IFT140: variants seen among roughly 807,000 people sequenced by gnomAD.
IFT140 encodes the protein intraflagellar transport protein 140 homolog.
A neutral mutation model predicts 164.6 loss-of-function variants in IFT140; 133 were observed. The observed-to-expected ratio is 0.81, with a 90% CI of 0.70 to 0.93. IFT140 has a LOEUF of 0.93. Ranked by LOEUF, IFT140 falls within the 40% of genes least tolerant of loss-of-function variation. The pLI is 0.00. For synonymous variants in IFT140, 860 were observed against 817.3 expected, an observed-to-expected ratio of 1.05 and a Z score of -0.89; for missense variants, 2,045 against 1,972.3, an observed-to-expected ratio of 1.04 and a Z score of -0.70.
intron 13 of IFT140, among the ~76,000 whole-genome samples, chr16:1,572,074 C>T (rs772262870): frequency 1.3e-5 from 2 of 151,962 alleles, no homozygotes; most frequent in Non-Finnish European, 2.9e-5. Flanking sequence ...ATGTCCCACC[C>T]GCGAAAAGCC....
At chr16:1,606,204 A>G (rs2036051907) in intron 3 of IFT140, among the ~76,000 whole-genome samples, 1 of 152,252 alleles carries the variant, frequency 6.6e-6, no homozygotes, top group Non-Finnish European at 1.5e-5. Flanking sequence ...GGAAATGATT[A>G]GAGTTCCAAA....
intron 19 of IFT140, chr16:1,542,105 C>T (rs780858943): frequency 1.4e-5 from 21 of 1,553,882 alleles, no homozygotes; most frequent in African/African-American, 4.1e-5. Flanking sequence ...GTGGCCACCG[C>T]GCCCTTGCCC....
chr16:1,513,718 G>A (rs1430113694), intron 30 of IFT140, among the ~76,000 whole-genome samples: 2 of 150,124 alleles, frequency 1.3e-5, no homozygotes, highest in Non-Finnish European at 1.5e-5. Context: ...GTGTCGCCCA[G>A]GCTGGAGTGC....
chr16:1,609,019 G>A (rs903875692), intron 2 of IFT140, among the ~76,000 whole-genome samples: 1 of 152,132 alleles, frequency 6.6e-6, no homozygotes. Context: ...GCTGGGTGTG[G>A]TGGTGCCTGC....
At chr16:1,592,017 G>A (rs1399608529) in intron 6 of IFT140, among the ~76,000 whole-genome samples, 159 bp downstream of exon 6, 1 of 152,228 alleles carries the variant, frequency 6.6e-6, no homozygotes, top group Non-Finnish European at 1.5e-5. Context: ...GCTGCAGAGA[G>A]TGGCTGCGGC....
At chr16:1,563,864 G>A (rs2033562668) in intron 17 of IFT140, 133 bp downstream of exon 17, 4 of 863,388 alleles carry the variant, frequency 4.6e-6, no homozygotes, top group African/African-American at 1.7e-5. Flanking sequence ...GGGCTCAAGC[G>A]TTCCCTCCCG....
chr16:1,600,215 G>A (rs1477225068), intron 4 of IFT140, among the ~76,000 whole-genome samples: 3 of 145,292 alleles, frequency 2.1e-5, no homozygotes, highest in Admixed American at 6.9e-5. Flanking sequence ...GATTAAGGGC[G>A]GTGCAAGATG....
At chr16:1,519,445 G>T (rs968695478) in intron 29 of IFT140, among the ~76,000 whole-genome samples, 3 of 152,078 alleles carry the variant, frequency 2.0e-5, no homozygotes, top group African/African-American at 7.2e-5. Flanking sequence ...GGCTGCCTGG[G>T]TCTCCTCTCC....
At chr16:1,535,144 T>C (rs1291714663) in intron 19 of IFT140, among the ~76,000 whole-genome samples, 1 of 152,108 alleles carries the variant, frequency 6.6e-6, no homozygotes, top group African/African-American at 2.4e-5. Flanking sequence ...CTCACGGTTG[T>C]TGGGGTCTTT....
At chr16:1,528,557 ACG>A in intron 19 of IFT140, 1 of 154,734 alleles carries the variant, frequency 6.5e-6, no homozygotes, top group Middle Eastern at 5.4e-4. Flanking sequence ...ATGCACACAC[ACG>A]CACACACATG....
rs1390848758 is a variant in IFT140, at chr16:1,580,699, A to C, written c.1524+60T>G. The C allele has an allele frequency of 4.4e-6, 5 of 1,132,402 alleles. No individual in the cohort carries two copies. In the Admixed American group the frequency reaches 6.8e-5, roughly 15 times the overall value. 70.1% of individuals were successfully genotyped at this position (1,132,402 alleles called of 1,614,324 possible). On this transcript the variant is annotated intron_variant, in intron 13 of 30. Coordinates refer to ENST00000426508, the MANE Select transcript of IFT140 (RefSeq NM_014714.4). ...GAAATCAATAAACAGGCTTTGTCTC[A>C]ATTGAGAGGCAGGATTTCAAACTCT... is the stretch of plus-strand genomic sequence containing the variant.
At chr16:1,594,329 T>G (rs2035342331) in intron 4 of IFT140, among the ~76,000 whole-genome samples, 1 of 151,996 alleles carries the variant, frequency 6.6e-6, no homozygotes, top group African/African-American at 2.4e-5. Flanking sequence ...CCTGTGATCC[T>G]CCCACCTCAG....
chr16:1,564,320 C>T lies in IFT140; in HGVS notation c.1902-158G>A, dbSNP rs2033596301. 6.6e-6 allele frequency among the ~76,000 whole-genome samples: 1 copy of T among 152,196 alleles called. No individual in the cohort carries two copies. Among genetic ancestry groups the T allele is most frequent in the African/African-American group, 2.4e-5 (1 of 41,448 alleles). On this transcript the variant is annotated intron_variant, in intron 16 of 30. Coordinates refer to ENST00000426508, the MANE Select transcript of IFT140 (RefSeq NM_014714.4). The surrounding 1 kb of genome is among the most constrained non-coding windows in gnomAD (Gnocchi z 5.5). ...ACTTTTGGGGTCTCACTGCCATGCG[C>T]CCTACTGGAACATGTTCTCAGATTT...
At chr16:1,512,441 T>A (rs1041174393) in intron 30 of IFT140, among the ~76,000 whole-genome samples, 2 of 152,124 alleles carry the variant, frequency 1.3e-5, no homozygotes. Context: ...TGCCTGGGCA[T>A]TCTCAGTTTA....
chr16:1,524,503 C>T (rs746204906), intron 24 of IFT140, 49 bp downstream of exon 24: 1 of 1,602,434 alleles, frequency 6.2e-7, no homozygotes, highest in Admixed American at 1.7e-5. Flanking sequence ...TGAAGCTCTC[C>T]TCAGGGGACC....
intron 12 of IFT140, among the ~76,000 whole-genome samples, chr16:1,581,806 GATGGGAGT>G: frequency 1.0e-5 from 1 of 95,390 alleles, no homozygotes; most frequent in African/African-American, 4.3e-5. Context: ...GAGTGGAGGG[GATGGGAGT>G]GGAGGGGAGG....
At chr16:1,524,073 G>A (rs1035662614) in intron 24 of IFT140, 117 bp from the exon 25 acceptor site, 8 of 1,304,982 alleles carry the variant, frequency 6.1e-6, no homozygotes, top group Non-Finnish European at 5.2e-6. Flanking sequence ...ACTGCTCAGC[G>A]ATCTCTGCGG....
chr16:1,596,039 G>C (rs1451033138), intron 4 of IFT140, among the ~76,000 whole-genome samples: 3 of 152,202 alleles, frequency 2.0e-5, no homozygotes, highest in South Asian at 2.1e-4. Flanking sequence ...CTGGGTGACA[G>C]AGTGAGGCTC....
At chr16:1,554,953 T>C in intron 19 of IFT140, 1 of 1,614,132 alleles carries the variant, frequency 6.2e-7, no homozygotes. Context: ...CCCCGGGTGA[T>C]TGTCATCAGC....
Sources: gnomAD v4.1 joint callset for allele counts (sites outside exome capture counted in the v4.1 genomes callset) on GRCh38, gnomAD v4.1.1 for gene constraint, Gnocchi (gnomAD v3.1) non-coding constraint, MANE v1.5 for transcripts, NCBI Gene and HGNC (gene_info 2026-07-23, HGNC 2026-07-21) for gene names.